Variants in CSPP1 observed in about 807,000 individuals in gnomAD.
The protein encoded by CSPP1 is centrosome and spindle pole-associated protein 1.
CSPP1 carries 126 observed loss-of-function variants against 164.4 expected under a neutral mutation model. The observed-to-expected ratio is 0.77, with a 90% CI of 0.66 to 0.89. CSPP1 has a LOEUF of 0.89. Ranked by LOEUF, CSPP1 falls within the 40% of genes least tolerant of loss-of-function variation. The pLI, the probability that CSPP1 is intolerant of heterozygous loss-of-function variation, is 0.00. For synonymous variants in CSPP1, 472 were observed against 476.7 expected, an observed-to-expected ratio of 0.99 and a Z score of 0.13; for missense variants, 1,395 against 1,449.8, an observed-to-expected ratio of 0.96 and a Z score of 0.61.
chr8:67,074,839 G>C, intron 2 of CSPP1: 1 of 273,016 alleles, frequency 3.7e-6, no homozygotes, highest in South Asian at 3.2e-5. Flanking sequence ...GGACTGCAAT[G>C]GTGTGATCTC....
intron 1 of CSPP1, among the ~76,000 whole-genome samples, chr8:67,070,462 C>G (rs1014733302): frequency 1.3e-5 from 1 of 79,828 alleles, no homozygotes; most frequent in Non-Finnish European, 2.6e-5. Context: ...GACTCCATCT[C>G]AAAAAAAAAA....
chr8:67,124,899 A>G (rs762234125), intron 15 of CSPP1, among the ~76,000 whole-genome samples: 6 of 151,976 alleles, frequency 3.9e-5, no homozygotes, highest in Non-Finnish European at 7.4e-5. Context: ...CAGGCTGCTC[A>G]TGAACTCCTG....
intron 1 of CSPP1, among the ~76,000 whole-genome samples, chr8:67,068,835 G>A (rs1806121750): frequency 6.6e-6 from 1 of 152,186 alleles, no homozygotes; most frequent in African/African-American, 2.4e-5. Flanking sequence ...CATTCCATCA[G>A]TGTCTCCAAA....
intron 16 of CSPP1, among the ~76,000 whole-genome samples, chr8:67,136,541 C>G (rs1822309857): frequency 8.0e-6 from 1 of 124,736 alleles, no homozygotes; most frequent in Non-Finnish European, 1.6e-5. Context: ...TGCACTCCAG[C>G]TTGGGTGACA....
At chr8:67,171,223 AC>A (rs1400581982) in intron 24 of CSPP1, among the ~76,000 whole-genome samples, 2 of 150,382 alleles carry the variant, frequency 1.3e-5, no homozygotes, top group Non-Finnish European at 3.0e-5. Flanking sequence ...ACATGGTGAA[AC>A]CCCATCTTTA....
At chr8:67,180,989 T>C (rs547145755) in intron 28 of CSPP1, among the ~76,000 whole-genome samples, 1 of 152,220 alleles carries the variant, frequency 6.6e-6, no homozygotes, top group East Asian at 1.9e-4. Context: ...TAGATTTTCA[T>C]GTGATAAAAT....
chr8:67,153,201 C>G (rs1387791640), intron 18 of CSPP1, among the ~76,000 whole-genome samples: 1 of 150,590 alleles, frequency 6.6e-6, no homozygotes, highest in African/African-American at 2.4e-5. Context: ...GACTCTGTCT[C>G]AAAAAACAAA....
In CSPP1 at chr8:67,064,453, C is replaced by A; in HGVS notation, c.-96C>A. The A allele has an allele frequency of 6.2e-7, 1 of 1,614,034 alleles. No homozygotes were observed. The highest frequency in any genetic ancestry group is 2.2e-5 in the East Asian group (1 of 44,860). ...AACCTCTTCGGTCCGCGACGATCCTCTAGAGCACTGTGTGTCTCCCCGGAC... is the reference window on the plus strand; with the variant it reads ...AACCTCTTCGGTCCGCGACGATCCTATAGAGCACTGTGTGTCTCCCCGGAC... On this transcript the variant is annotated 5_prime_UTR_variant, in exon 1 of 31. Coordinates refer to ENST00000678616, the MANE Select transcript of CSPP1 (RefSeq NM_001382391.1).
intron 9 of CSPP1, among the ~76,000 whole-genome samples, chr8:67,108,631 C>G (rs1470460665): frequency 6.6e-6 from 1 of 152,152 alleles, no homozygotes. Context: ...GCATCTCTCC[C>G]TCCACACTTT....
At position 67,115,943 on chromosome 8, in the gene CSPP1, A is replaced by C. The variant is rs1817847503; in HGVS notation, c.1317A>C (p.Ala439=). The change falls in exon 13 of 31, where the codon GCA becomes GCC. Residue 439 remains alanine, a synonymous_variant. Coordinates refer to ENST00000678616, the MANE Select transcript of CSPP1 (RefSeq NM_001382391.1). ...EPDRLKQFSV[A]PRHFEEMIPP... Reference sequence around the variant, plus strand: ...ATAGACTAAAGCAGTTTAGTGTGGCACCAAGACACTTTGAAGAGATGATAC... The same window carrying C: ...ATAGACTAAAGCAGTTTAGTGTGGCCCCAAGACACTTTGAAGAGATGATAC... 2 of 1,613,948 alleles carry C rather than the reference A, an allele frequency of 1.2e-6. No individual in the cohort carries two copies. The highest frequency in any genetic ancestry group is 2.7e-5 in the African/African-American group (2 of 74,998).
upstream of CSPP1, chr8:67,064,387 C>T (rs376151631): frequency 1.5e-3 from 2,495 of 1,612,302 alleles, 3 homozygotes; most frequent in Non-Finnish European, 1.9e-3. Context: ...AGCCCCGGCC[C>T]GGAGGTCTGT....
rs920614442 is a variant in CSPP1, at chr8:67,066,269, G to A, written c.-11+1731G>A. Among the ~76,000 whole-genome samples, 12 of 152,134 alleles carry A rather than the reference G, an allele frequency of 7.9e-5. No individual in the cohort carries two copies. The East Asian group carries it at 2.3e-3, about 29-fold the overall frequency. ...TTTAGGGAAATTTGTCAAAATTTTG[G>A]TGTACCCATGGGAGGAAGTTGCTCA... On this transcript the variant is annotated intron_variant, in intron 1 of 30. Transcript: ENST00000678616.
At chr8:67,138,272 GA>G (rs1822768066) in intron 17 of CSPP1, among the ~76,000 whole-genome samples, 1 of 152,240 alleles carries the variant, frequency 6.6e-6, no homozygotes, top group African/African-American at 2.4e-5. Flanking sequence ...CAAATCCATG[GA>G]TGCTCAAGTT....
intron 28 of CSPP1, 118 bp from the exon 29 acceptor site, chr8:67,190,532 T>C (rs1385332315): frequency 1.4e-6 from 1 of 716,424 alleles, no homozygotes. Flanking sequence ...TGTACATACA[T>C]TGAGTGTGTT....
chr8:67,115,838 G>A, intron 12 of CSPP1, 76 bp from the exon 13 acceptor site: 1 of 1,013,398 alleles, frequency 9.9e-7, no homozygotes. Flanking sequence ...TGCTGGGATA[G>A]GAGGTCTTTT....
At chr8:67,117,706 G>A (rs1240952617) in intron 13 of CSPP1, among the ~76,000 whole-genome samples, 4 of 152,110 alleles carry the variant, frequency 2.6e-5, no homozygotes, top group African/African-American at 7.2e-5. Context: ...TTTCTGGATT[G>A]TCCTTCCTCT....
chr8:67,070,744 T>C (rs1806592230), intron 1 of CSPP1, among the ~76,000 whole-genome samples: 1 of 149,970 alleles, frequency 6.7e-6, no homozygotes, highest in Admixed American at 6.7e-5. Flanking sequence ...TATATATATT[T>C]CTATTTTTAG....
chr8:67,164,345 G>A, intron 23 of CSPP1, 46 bp from the exon 24 acceptor site: 1 of 899,246 alleles, frequency 1.1e-6, no homozygotes, highest in Non-Finnish European at 1.9e-6. Context: ...TTAGTCTTTT[G>A]TTCTTATTCC....
rs2129562479 is a variant in CSPP1 at position 67,163,774 on chromosome 8, A to G, written c.2686A>G (p.Arg896Gly). The part of the protein sequence containing the change: ...SRAQSPPVPA[R>G]KNQLRAEEEK... The stretch of plus-strand genomic sequence containing the variant: ...GGCACAGTCACCCCCGGTACCTGCC[A>G]GGAAAAATCAGCTCCGTGCAGAAGG... The change falls in exon 23 of 31, where the codon AGG becomes GGG. Residue 896 changes from arginine (R) to glycine (G), a missense_variant. Transcript: ENST00000678616. 1 of 1,613,736 alleles carries G rather than the reference A, an allele frequency of 6.2e-7. No homozygotes were observed.
Sources: allele counts gnomAD v4.1 joint callset (sites outside exome capture counted in the v4.1 genomes callset), GRCh38; gene constraint gnomAD v4.1.1; transcripts MANE v1.5; gene names NCBI Gene and HGNC (gene_info 2026-07-23, HGNC 2026-07-21).